KANSL1L: variants seen among roughly 807,000 people sequenced by gnomAD.
KANSL1L encodes KAT8 regulatory NSL complex subunit 1-like protein.
KANSL1L carries 25 observed loss-of-function variants against 108.6 expected under a neutral mutation model. That is an observed-to-expected ratio of 0.23 (90% CI 0.17 to 0.32). The LOEUF (loss-of-function observed/expected upper bound fraction) is 0.32. Among genes scored for constraint, KANSL1L ranks in the 10% least tolerant of loss-of-function variants. KANSL1L has a pLI of 1.00. For synonymous variants in KANSL1L, 405 were observed against 395.1 expected (o/e 1.03, Z -0.30); for missense variants, 1,137 against 1,125.7 (o/e 1.01, Z -0.14).
intron 1 of KANSL1L, among the ~76,000 whole-genome samples, chr2:210,170,034 T>C (rs1195895853): frequency 6.6e-6 from 1 of 152,074 alleles, no homozygotes; most frequent in Non-Finnish European, 1.5e-5. Flanking sequence ...CCCAAAGAAA[T>C]GGCTAGTTAT....
At chr2:210,139,841 G>A (rs575652544) in intron 2 of KANSL1L, among the ~76,000 whole-genome samples, 3 of 150,384 alleles carry the variant, frequency 2.0e-5, no homozygotes, top group African/African-American at 7.3e-5. Flanking sequence ...TCCTGGGCTC[G>A]AGTGATCTTC....
chr2:210,109,870 A>G (rs2094887528), intron 3 of KANSL1L, among the ~76,000 whole-genome samples: 1 of 152,064 alleles, frequency 6.6e-6, no homozygotes, highest in African/African-American at 2.4e-5. Context: ...TTCCTTGGCA[A>G]TATCAGTAAA....
chr2:210,061,839 A>T (rs1486386632), intron 6 of KANSL1L, among the ~76,000 whole-genome samples: 1 of 152,232 alleles, frequency 6.6e-6, no homozygotes, highest in African/African-American at 2.4e-5. Context: ...AAACAGTCTG[A>T]AAAACTCATA....
chr2:210,066,203 G>C (rs2094465904), intron 6 of KANSL1L, among the ~76,000 whole-genome samples: 1 of 152,064 alleles, frequency 6.6e-6, no homozygotes, highest in African/African-American at 2.4e-5. Flanking sequence ...TTGCATTTTG[G>C]GAGGCACAGA....
chr2:210,101,926 G>A (rs989433234), intron 4 of KANSL1L, among the ~76,000 whole-genome samples: 4 of 152,172 alleles, frequency 2.6e-5, no homozygotes, highest in African/African-American at 9.7e-5. Context: ...TAATTTCCCA[G>A]AGGAACAATG....
intron 6 of KANSL1L, among the ~76,000 whole-genome samples, chr2:210,056,442 G>A (rs372322959): frequency 3.3e-5 from 5 of 152,198 alleles, no homozygotes; most frequent in African/African-American, 1.2e-4. Flanking sequence ...CATCATCAAC[G>A]TCATTCACAT....
intron 6 of KANSL1L, among the ~76,000 whole-genome samples, chr2:210,059,392 T>A (rs1013762574): frequency 5.9e-5 from 9 of 152,180 alleles, no homozygotes; most frequent in African/African-American, 2.2e-4. Context: ...TAGTCCTATT[T>A]TTATGGATGA....
At chr2:210,149,786 C>A (rs2095289508) in intron 2 of KANSL1L, among the ~76,000 whole-genome samples, 1 of 151,432 alleles carries the variant, frequency 6.6e-6, no homozygotes, top group African/African-American at 2.4e-5. Flanking sequence ...ACAGTCTTTC[C>A]CACAAGAAAT....
chr2:210,028,688 T>C, intron 11 of KANSL1L, 157 bp downstream of exon 11: 1 of 590,008 alleles, frequency 1.7e-6, no homozygotes, highest in South Asian at 2.2e-5. Context: ...ATATAACACT[T>C]AAGGCACGAG....
chr2:210,145,202 C>T (rs375047397), intron 2 of KANSL1L, among the ~76,000 whole-genome samples: 7 of 152,178 alleles, frequency 4.6e-5, no homozygotes, highest in African/African-American at 1.7e-4. Flanking sequence ...CTCTTTTTCT[C>T]CTGCCAGGAA....
chr2:210,111,238 A>C (rs1269298659), intron 3 of KANSL1L, among the ~76,000 whole-genome samples: 2 of 152,170 alleles, frequency 1.3e-5, no homozygotes, highest in African/African-American at 4.8e-5. Flanking sequence ...AAAACAACCT[A>C]AATTTCCATG....
chr2:210,026,874 T>C (rs2093944984), intron 12 of KANSL1L, among the ~76,000 whole-genome samples: 1 of 152,048 alleles, frequency 6.6e-6, no homozygotes, highest in Non-Finnish European at 1.5e-5. Flanking sequence ...GGGTTCACGC[T>C]ATTCTCCTGC....
In KANSL1L at chr2:210,044,292, A is replaced by G. The variant is rs1430331297; in HGVS notation, c.1756-188T>C. Among the ~76,000 whole-genome samples the G allele has an allele frequency of 6.6e-6, 1 of 152,214 alleles. No homozygotes were observed. The highest frequency in any genetic ancestry group is 1.5e-5 in the Non-Finnish European group (1 of 68,040). On this transcript the variant is annotated intron_variant, in intron 6 of 14. Coordinates refer to ENST00000281772, the MANE Select transcript of KANSL1L (RefSeq NM_152519.4). This position sits in a 1 kb window ranked among gnomAD's most constrained non-coding sequence, Gnocchi z 4.2. ...TCAATCATAAAAGGGATGTAAAAATATAATTAACTTTTATATATTGAATAT... is the reference window on the plus strand; with the variant it reads ...TCAATCATAAAAGGGATGTAAAAATGTAATTAACTTTTATATATTGAATAT...
chr2:210,153,420 C>A, intron 2 of KANSL1L, 75 bp downstream of exon 2: 2 of 1,120,180 alleles, frequency 1.8e-6, no homozygotes, highest in South Asian at 1.4e-5. Context: ...TATTTCTTGT[C>A]AACATACCTG....
At chr2:210,094,469 G>T (rs963348365) in intron 5 of KANSL1L, among the ~76,000 whole-genome samples, 17 of 152,078 alleles carry the variant, frequency 1.1e-4, no homozygotes, top group African/African-American at 4.1e-4. Flanking sequence ...AATAACAAAG[G>T]TATTGGAAAA....
chr2:210,080,546 C>T (rs2094581372), intron 5 of KANSL1L, among the ~76,000 whole-genome samples: 2 of 151,784 alleles, frequency 1.3e-5, no homozygotes. Flanking sequence ...AATAAACAAA[C>T]AAAAATGTGA....
chr2:210,087,874 G>A (rs539513640), intron 5 of KANSL1L, among the ~76,000 whole-genome samples: 74 of 152,278 alleles, frequency 4.9e-4, no homozygotes, highest in Non-Finnish European at 7.3e-4. Context: ...GGATTGAACC[G>A]TGATCTAATT....
chr2:210,096,453 G>T, intron 5 of KANSL1L: 1 of 973,950 alleles, frequency 1.0e-6, no homozygotes, highest in Non-Finnish European at 1.2e-6. Context: ...TGCAATCAAT[G>T]CTTTGCAAAT....
chr2:210,079,158 AGAG>A (rs932189753), intron 5 of KANSL1L, among the ~76,000 whole-genome samples: 8 of 152,294 alleles, frequency 5.3e-5, no homozygotes, highest in African/African-American at 9.6e-5. Context: ...CATAATAAGA[AGAG>A]GAGAAGGTCC....
Sources: allele counts gnomAD v4.1 joint callset (sites outside exome capture counted in the v4.1 genomes callset), GRCh38; gene constraint gnomAD v4.1.1; non-coding constraint Gnocchi (gnomAD v3.1); transcripts MANE v1.5; gene names NCBI Gene and HGNC (gene_info 2026-07-23, HGNC 2026-07-21).